Variants in RAB3GAP1 observed in about 807,000 individuals in gnomAD.
The protein encoded by RAB3GAP1 is rab3 GTPase-activating protein catalytic subunit.
In RAB3GAP1, 86 loss-of-function variants were observed where a neutral mutation model predicts 130.7. That is an observed-to-expected ratio of 0.66 (90% CI 0.55 to 0.79). RAB3GAP1 has a LOEUF of 0.79. Among genes scored for constraint, RAB3GAP1 ranks in the 30% least tolerant of loss-of-function variants. The pLI is 0.00. For missense variants in RAB3GAP1, 1,029 were observed against 1,169.4 expected, an observed-to-expected ratio of 0.88 and a Z score of 1.75; for synonymous variants, 367 against 401.7, an observed-to-expected ratio of 0.91 and a Z score of 1.03.
At chr2:135,113,333 A>C in intron 6 of RAB3GAP1, 63 bp downstream of exon 6, 1 of 1,575,458 alleles carries the variant, frequency 6.3e-7, no homozygotes, top group Non-Finnish European at 8.7e-7. Context: ...TTATGAAGGC[A>C]AACAGTTATT....
intron 5 of RAB3GAP1, among the ~76,000 whole-genome samples, chr2:135,106,784 T>TA (rs1021465719): frequency 1.2e-4 from 12 of 96,740 alleles, no homozygotes; most frequent in East Asian, 5.5e-4. Flanking sequence ...AATAAAAAAG[T>TA]AAAAAAAAAA....
chr2:135,172,583 A>G (rs990596659), downstream of RAB3GAP1, among the ~76,000 whole-genome samples: 2 of 152,186 alleles, frequency 1.3e-5, no homozygotes, highest in Non-Finnish European at 2.9e-5. Flanking sequence ...CAGATTTGAT[A>G]CAGATCTTGA....
chr2:135,146,564 G>T (rs962924422), intron 17 of RAB3GAP1, among the ~76,000 whole-genome samples: 4 of 152,068 alleles, frequency 2.6e-5, no homozygotes, highest in Non-Finnish European at 5.9e-5. Flanking sequence ...TGGTATTGAG[G>T]TCTTGTATAG....
chr2:135,161,433 A>G (rs1573610689), intron 19 of RAB3GAP1, among the ~76,000 whole-genome samples: 1 of 152,322 alleles, frequency 6.6e-6, no homozygotes, highest in Non-Finnish European at 1.5e-5. Flanking sequence ...GAAACACTCC[A>G]TTAATATAAA....
rs77047758 is a variant in RAB3GAP1 at position 135,148,379 on chromosome 2, C to T, written c.1924-1990C>T. On this transcript the variant is annotated intron_variant, in intron 17 of 23. Coordinates refer to ENST00000264158, the MANE Select transcript of RAB3GAP1 (RefSeq NM_012233.3). ...GTGTTCCATTTATGTAGACTTAGGTCACAACATAAAATACATGGCTAGAAA... is the reference window on the plus strand; with the variant it reads ...GTGTTCCATTTATGTAGACTTAGGTTACAACATAAAATACATGGCTAGAAA... Among the ~76,000 whole-genome samples the T allele has an allele frequency of 1.0e-2, 1,519 of 151,920 alleles. 23 individuals carry two copies. Among genetic ancestry groups the T allele is most frequent in the African/African-American group, 0.035 (1,447 of 41,444 alleles).
At chr2:135,133,600 A>G (rs1390018805) in intron 14 of RAB3GAP1, among the ~76,000 whole-genome samples, 3 of 152,286 alleles carry the variant, frequency 2.0e-5, no homozygotes, top group South Asian at 4.1e-4. Context: ...TACTTCCTAA[A>G]TATTCCACAG....
At chr2:135,083,791 T>A (rs76235961) in intron 3 of RAB3GAP1, among the ~76,000 whole-genome samples, 134 of 142,722 alleles carry the variant, frequency 9.4e-4, no homozygotes, top group African/African-American at 2.9e-3. Context: ...TTTTTTTTTT[T>A]AATTATAGCC....
intron 19 of RAB3GAP1, 113 bp from the exon 20 acceptor site, chr2:135,162,442 G>A (rs1165191378): frequency 1.3e-6 from 1 of 794,816 alleles, no homozygotes; most frequent in African/African-American, 1.7e-5. Flanking sequence ...CCTATCTGGA[G>A]TGCTGTCTTG....
chr2:135,148,180 T>C (rs1692056009), intron 17 of RAB3GAP1, among the ~76,000 whole-genome samples: 1 of 152,222 alleles, frequency 6.6e-6, no homozygotes, highest in Non-Finnish European at 1.5e-5. Context: ...ATTTGAATTA[T>C]GATCATTATA....
At chr2:135,105,922 C>A (rs1428901406) in intron 5 of RAB3GAP1, among the ~76,000 whole-genome samples, 3 of 151,934 alleles carry the variant, frequency 2.0e-5, no homozygotes, top group Admixed American at 6.5e-5. Flanking sequence ...TGCCCGGCCG[C>A]CCCGTCTGAG....
At chr2:135,074,907 A>T (rs1689580041) in intron 3 of RAB3GAP1, among the ~76,000 whole-genome samples, 1 of 152,194 alleles carries the variant, frequency 6.6e-6, no homozygotes, top group Non-Finnish European at 1.5e-5. Flanking sequence ...CCATGTATGG[A>T]CGAGATATTT....
intron 17 of RAB3GAP1, among the ~76,000 whole-genome samples, chr2:135,139,764 T>C (rs1219342515): frequency 6.6e-6 from 1 of 152,188 alleles, no homozygotes; most frequent in Non-Finnish European, 1.5e-5. Context: ...CAAATGTAAC[T>C]ACTGAGTGCT....
chr2:135,115,697 T>C (rs137967401), intron 7 of RAB3GAP1, among the ~76,000 whole-genome samples: 1 of 152,226 alleles, frequency 6.6e-6, no homozygotes, highest in Non-Finnish European at 1.5e-5. Context: ...CTAAGCTTAA[T>C]GGGGCTCAGG....
At chr2:135,167,620 C>T in intron 23 of RAB3GAP1, 1 of 1,273,330 alleles carries the variant, frequency 7.9e-7, no homozygotes, top group East Asian at 2.5e-5. Context: ...CCTGAACTCC[C>T]TTGTCTAGCC....
At chr2:135,112,401 G>A (rs1327810547) in intron 5 of RAB3GAP1, among the ~76,000 whole-genome samples, 1 of 152,240 alleles carries the variant, frequency 6.6e-6, no homozygotes, top group African/African-American at 2.4e-5. Flanking sequence ...TTTTCAAGCT[G>A]AAAGAGAAAC....
chr2:135,115,195 C>G (rs751504227), intron 6 of RAB3GAP1, 21 bp from the exon 7 acceptor site: 3 of 1,594,090 alleles, frequency 1.9e-6, no homozygotes, highest in Non-Finnish European at 2.6e-6. Context: ...TATTCCATTC[C>G]TATTTAATCA....
At chr2:135,140,492 T>A (rs1432610103) in intron 17 of RAB3GAP1, among the ~76,000 whole-genome samples, 2 of 152,200 alleles carry the variant, frequency 1.3e-5, no homozygotes, top group Non-Finnish European at 2.9e-5. Context: ...GGCTATAATT[T>A]ATTACAAGAA....
At chr2:135,138,003 T>G (rs555023408) in intron 17 of RAB3GAP1, among the ~76,000 whole-genome samples, 51 of 151,900 alleles carry the variant, frequency 3.4e-4, no homozygotes, top group African/African-American at 1.2e-3. Context: ...TTTTTCGTGG[T>G]TTTTATAGAG....
chr2:135,117,687 T>TCTGCTG (rs1371308820), intron 7 of RAB3GAP1, among the ~76,000 whole-genome samples: 1 of 112,484 alleles, frequency 8.9e-6, no homozygotes, highest in African/African-American at 4.1e-5. Flanking sequence ...TGCTTCTGCT[T>TCTGCTG]CTTCTTCTGC....
Sources: gnomAD v4.1 joint callset for allele counts (sites outside exome capture counted in the v4.1 genomes callset) on GRCh38, gnomAD v4.1.1 for gene constraint, MANE v1.5 for transcripts, NCBI Gene and HGNC (gene_info 2026-07-23, HGNC 2026-07-21) for gene names.